FARSA: variants seen among roughly 807,000 people sequenced by gnomAD.
FARSA encodes the protein phenylalanine--tRNA ligase alpha subunit.
FARSA carries 37 observed loss-of-function variants against 63.2 expected under a neutral mutation model. The observed-to-expected ratio is 0.59, with a 90% CI of 0.45 to 0.77. The LOEUF (loss-of-function observed/expected upper bound fraction) is 0.77, where lower values mean the gene tolerates loss of function less well. Ranked by LOEUF, FARSA falls within the 30% of genes least tolerant of loss-of-function variation. The pLI, the probability that FARSA is intolerant of heterozygous loss-of-function variation, is 0.00. For missense variants in FARSA, 618 were observed against 696.6 expected, an observed-to-expected ratio of 0.89 and a Z score of 1.27; for synonymous variants, 312 against 285.1, an observed-to-expected ratio of 1.09 and a Z score of -0.95.
In FARSA at chr19:12,927,908, G is replaced by A. The variant is rs145757217; in HGVS notation, c.841+434C>T. The stretch of plus-strand genomic sequence containing the variant: ...ATGGTGGTATGCACCTGTAATCCCA[G>A]CTACTCGGGAGGCTGAGGCAGGAGA... On this transcript the variant is annotated intron_variant, in intron 7 of 12. Coordinates refer to ENST00000314606, the MANE Select transcript of FARSA (RefSeq NM_004461.3). 4.9e-3 allele frequency among the ~76,000 whole-genome samples: 731 copies of A among 150,532 alleles called. 4 individuals are homozygous for A. Among genetic ancestry groups the A allele is most frequent in the African/African-American group, 0.016 (673 of 40,950 alleles).
At chr19:12,928,504 C>A (rs566449267) in intron 6 of FARSA, 31 bp downstream of exon 6, 1 of 1,613,812 alleles carries the variant, frequency 6.2e-7, no homozygotes, top group South Asian at 1.1e-5. Flanking sequence ...CCAGCAGAAG[C>A]ACCAGGCACC....
In FARSA at chr19:12,928,782, G is replaced by A. The variant is rs1971357637; in HGVS notation, c.569C>T (p.Thr190Ile). ...AFSTSISKQE[T>I]ELSPEMISSG... is the part of the protein sequence containing the mutation. ...GGAGATCATCTCTGGGCTCAGCTCT[G>A]TCTCTTGCTTGGAGATGCTGGTACT... Residue 190 changes from threonine (T) to isoleucine (I), a missense_variant, in exon 5 of 13, where the codon ACA becomes ATA. Coordinates refer to ENST00000314606, the MANE Select transcript of FARSA (RefSeq NM_004461.3). The A allele has an allele frequency of 6.2e-7, 1 of 1,614,122 alleles. No homozygotes were observed. The highest frequency in any genetic ancestry group is 8.5e-7 in the Non-Finnish European group (1 of 1,180,034).
chr19:12,931,609 G>T (rs1971396906), intron 1 of FARSA, among the ~76,000 whole-genome samples: 1 of 152,094 alleles, frequency 6.6e-6, no homozygotes, highest in African/African-American at 2.4e-5. Context: ...GTCCAGGCTG[G>T]TCTCAAACTC....
chr19:12,925,220 A>AC lies in FARSA; in HGVS notation c.842-47dup, dbSNP rs776327765. The AC allele has an allele frequency of 4.2e-6, 6 of 1,413,910 alleles. No homozygotes were observed. In the East Asian group the frequency reaches 1.0e-4, roughly 24 times the overall value. The allele number at this position is 1,413,910 out of a possible 1,614,324, so 87.6% of individuals were successfully genotyped here. ...TCAGGTCAGTCAACGAGCATTTCCC[A>AC]CCCCTTTTTTTTTTTCAGACAGGGT... On this transcript the variant is annotated intron_variant, in intron 7 of 12. Transcript: ENST00000314606.
chr19:12,931,245 C>G (rs1334979307), intron 1 of FARSA, among the ~76,000 whole-genome samples: 7 of 152,178 alleles, frequency 4.6e-5, no homozygotes, highest in African/African-American at 1.7e-4. Flanking sequence ...GCATGTGCCG[C>G]CACACCTGGT....
chr19:12,923,582 C>T (rs939187444), intron 12 of FARSA, among the ~76,000 whole-genome samples: 1 of 152,146 alleles, frequency 6.6e-6, no homozygotes, highest in Non-Finnish European at 1.5e-5. Flanking sequence ...TGGGTTCAAA[C>T]GATTCTCCTG....
intron 7 of FARSA, among the ~76,000 whole-genome samples, chr19:12,927,930 G>A (rs1252463279): frequency 1.4e-5 from 2 of 143,568 alleles, no homozygotes; most frequent in Admixed American, 7.5e-5. Flanking sequence ...GCTGAGGCAG[G>A]AGAATCGCTT....
intron 4 of FARSA, among the ~76,000 whole-genome samples, chr19:12,929,833 G>A (rs2967890): frequency 0.82 from 124,756 of 152,110 alleles, 51,567 homozygotes; most frequent in East Asian, 0.94. Flanking sequence ...AGGTTCCAGA[G>A]GCCTGTCTGG....
chr19:12,930,079 G>C (rs1306323502), intron 4 of FARSA, 144 bp downstream of exon 4: 3 of 690,764 alleles, frequency 4.3e-6, no homozygotes, highest in Admixed American at 2.3e-5. Context: ...AAGGCACGTA[G>C]GCTTGACAAC....
intron 7 of FARSA, among the ~76,000 whole-genome samples, chr19:12,927,659 G>C (rs1403076611): frequency 6.9e-6 from 1 of 145,444 alleles, no homozygotes; most frequent in Non-Finnish European, 1.5e-5. Flanking sequence ...TTGAACCCAG[G>C]AGGTGGAAAT....
intron 12 of FARSA, 57 bp from the exon 13 acceptor site, chr19:12,922,943 AG>A: frequency 6.2e-7 from 1 of 1,609,794 alleles, no homozygotes; most frequent in Non-Finnish European, 8.5e-7. Flanking sequence ...CCTTCTGCTC[AG>A]ATTTCCATGG....
rs1032918961 is a variant in FARSA, at chr19:12,933,385, C to T, written c.147+165G>A. 5 of 729,546 alleles carry T rather than the reference C, an allele frequency of 6.9e-6. No individual in the cohort carries two copies. In the African/African-American group the frequency reaches 9.1e-5, roughly 13 times the overall value. The allele number at this position is 729,546 out of a possible 1,614,324, so 45.2% of individuals were successfully genotyped here. A position where few individuals can be genotyped will look rare whatever the true frequency, so the allele number is the denominator to read the frequency against. On this transcript the variant is annotated intron_variant, in intron 1 of 12. Transcript: ENST00000314606. ...TATTGCATGAGGAACATCCGTGCGT[C>T]TGGGCCCTCACTCGTCCCACTTCCC... is the stretch of plus-strand genomic sequence containing the variant.
intron 4 of FARSA, 119 bp downstream of exon 4, chr19:12,930,104 A>G (rs1461166489): frequency 1.7e-5 from 13 of 771,266 alleles, no homozygotes; most frequent in Non-Finnish European, 2.8e-5. Flanking sequence ...GCATTAAGCG[A>G]GCTGGGAGGA....
rs368109892 is a variant in FARSA at position 12,930,426 on chromosome 19, C to A, written c.384+3G>T. 6.2e-7 allele frequency: 1 copy of A among 1,613,798 alleles called. No homozygotes were observed. The highest frequency in any genetic ancestry group is 8.5e-7 in the Non-Finnish European group (1 of 1,179,808). On this transcript the variant is annotated splice_donor_region_variant and intron_variant, in intron 3 of 12. Transcript: ENST00000314606. ...GCCCCCTGACCAGCCCGCAGGAACG[C>A]ACCACTCGGAACACCCGGGGCCCGT...
At chr19:12,930,132 C>T in intron 4 of FARSA, 91 bp downstream of exon 4, 1 of 1,016,728 alleles carries the variant, frequency 9.8e-7, no homozygotes, top group Non-Finnish European at 1.5e-6. Flanking sequence ...CACACCTGTG[C>T]TTGGTGTGGG....
chr19:12,933,085 G>A, intron 1 of FARSA: 1 of 172,944 alleles, frequency 5.8e-6, no homozygotes, highest in South Asian at 1.0e-4. Flanking sequence ...GGTCTCCCTT[G>A]CCGCCTGCCA....
In FARSA at chr19:12,933,689, T is replaced by C. The variant is rs1971421111; in HGVS notation, c.8A>G (p.Asp3Gly). The part of the protein sequence containing the change: MA[D>G]GQVAELLLRR... The stretch of plus-strand genomic sequence containing the variant: ...GAGCAGCAGTTCCGCCACCTGACCA[T>C]CCGCCATGACTCCTTCCAGTGTGCT... The change falls in exon 1 of 13, where the codon GAT (aspartate) becomes GGT (glycine). Residue 3 changes from aspartate (D) to glycine (G), a missense_variant. By Grantham distance (94) the Asp-to-Gly change is moderately conservative. Coordinates refer to ENST00000314606, the MANE Select transcript of FARSA (RefSeq NM_004461.3). 1 of 1,527,624 alleles carries C rather than the reference T, an allele frequency of 6.5e-7. No homozygotes were observed. The highest frequency in any genetic ancestry group is 1.4e-5 in the African/African-American group (1 of 72,276). The allele number at this position is 1,527,624 out of a possible 1,614,324, so 94.6% of individuals were successfully genotyped here.
At chr19:12,923,272 T>G (rs1971285199) in intron 12 of FARSA, among the ~76,000 whole-genome samples, 2 of 152,172 alleles carry the variant, frequency 1.3e-5, no homozygotes, top group South Asian at 4.1e-4. Flanking sequence ...ACTGCCCTGG[T>G]ACACACTTCT....
chr19:12,922,831 C>G lies in FARSA; in HGVS notation c.1444G>C (p.Val482Leu). The G allele has an allele frequency of 6.2e-7, 1 of 1,614,120 alleles. No homozygotes were observed. The highest frequency in any genetic ancestry group is 8.5e-7 in the Non-Finnish European group (1 of 1,180,024). ...NNIRELVGHKVNLQMVYDSPL... is the reference protein window; with the variant it reads ...NNIRELVGHKLNLQMVYDSPL... Reference sequence around the variant, plus strand: ...CTGTCATACACCATCTGCAGGTTCACCTTGTGGCCCACCAGCTCCCGGATA... The same window carrying G: ...CTGTCATACACCATCTGCAGGTTCAGCTTGTGGCCCACCAGCTCCCGGATA... Residue 482 changes from valine (V) to leucine (L), a missense_variant, in exon 13 of 13, where the codon GTG becomes CTG. Transcript: ENST00000314606.
Sources: allele counts gnomAD v4.1 joint callset (sites outside exome capture counted in the v4.1 genomes callset), GRCh38; gene constraint gnomAD v4.1.1; transcripts MANE v1.5; gene names NCBI Gene and HGNC (gene_info 2026-07-23, HGNC 2026-07-21).